UBE2E1: variants seen among roughly 807,000 people sequenced by gnomAD.
The protein encoded by UBE2E1 is ubiquitin conjugating enzyme E2 E1.
UBE2E1 carries 6 observed loss-of-function variants against 21.4 expected under a neutral mutation model. That is an observed-to-expected ratio of 0.28 (90% confidence interval 0.15 to 0.55). UBE2E1 has a LOEUF of 0.55. UBE2E1 is among the 20% of genes least tolerant of loss of function. UBE2E1 has a pLI of 0.93. For synonymous variants in UBE2E1, 87 were observed against 82.7 expected, an observed-to-expected ratio of 1.05 and a Z score of -0.28; for missense variants, 142 against 236.5, an observed-to-expected ratio of 0.60 and a Z score of 2.62.
At chr3:23,812,351 G>A (rs867176927) in intron 3 of UBE2E1, among the ~76,000 whole-genome samples, 1 of 152,224 alleles carries the variant, frequency 6.6e-6, no homozygotes, top group Non-Finnish European at 1.5e-5. Flanking sequence ...GGAAAGGGAT[G>A]TGAGATTTCA....
rs1701220225 is a variant in UBE2E1, at chr3:23,887,740, CAA to C, written c.336+42_336+43del. 6.3e-7 allele frequency: 1 copy of C among 1,575,442 alleles called. No homozygotes were observed. ...GTATGCTCAAATTTACTAATTCCCA[CAA>C]GAGAGCAACTGTTGAGGTTTTTCTA... is the stretch of plus-strand genomic sequence containing the variant. On this transcript the variant is annotated intron_variant, in intron 4 of 5. Coordinates refer to ENST00000306627, the MANE Select transcript of UBE2E1 (RefSeq NM_003341.5). The surrounding 1 kb of genome is among the most constrained non-coding windows in gnomAD (Gnocchi z 4.4).
At chr3:23,877,376 T>C (rs1405466925) in intron 3 of UBE2E1, among the ~76,000 whole-genome samples, 1 of 152,202 alleles carries the variant, frequency 6.6e-6, no homozygotes, top group African/African-American at 2.4e-5. Flanking sequence ...GCTCTTCCCT[T>C]TACTAGCTTA....
chr3:23,823,420 G>A lies in UBE2E1; in HGVS notation c.203+11910G>A, dbSNP rs1463107726. On this transcript the variant is annotated intron_variant, in intron 3 of 5. Transcript: ENST00000306627. The surrounding 1 kb of genome is among the most constrained non-coding windows in gnomAD (Gnocchi z 4.2). The stretch of plus-strand genomic sequence containing the variant: ...TTAGGTGCTGAACTGCCAGAGACAA[G>A]CAACAAATAATATGTGGAACCACAA... 6.6e-6 allele frequency among the ~76,000 whole-genome samples: 1 copy of A among 152,178 alleles called. No homozygotes were observed. The highest frequency in any genetic ancestry group is 6.5e-5 in the Admixed American group (1 of 15,282).
rs1209453728 is a variant in UBE2E1 at position 23,827,391 on chromosome 3, T to C, written c.203+15881T>C. Among the ~76,000 whole-genome samples, 4 of 152,234 alleles carry C rather than the reference T, an allele frequency of 2.6e-5. No individual in the cohort carries two copies. The South Asian group carries it at 6.2e-4, about 24-fold the overall frequency. On this transcript the variant is annotated intron_variant, in intron 3 of 5. Coordinates refer to ENST00000306627, the MANE Select transcript of UBE2E1 (RefSeq NM_003341.5). ...ACTATACAAATTTTAGCTTAGTTTC[T>C]TTTTGCTTCACACTGTGTGCGGTGG...
intron 2 of UBE2E1, among the ~76,000 whole-genome samples, chr3:23,809,726 T>C (rs763552040): frequency 1.3e-5 from 2 of 152,224 alleles, no homozygotes; most frequent in Non-Finnish European, 2.9e-5. Context: ...TATGTATTTT[T>C]ATATGCGTTG....
intron 3 of UBE2E1, among the ~76,000 whole-genome samples, chr3:23,860,359 A>C (rs559710375): frequency 4.7e-4 from 71 of 152,348 alleles, no homozygotes; most frequent in Non-Finnish European, 8.5e-4. Flanking sequence ...GCAATGTTTT[A>C]GCTGGTATGC....
At chr3:23,868,169 C>A (rs1700697176) in intron 3 of UBE2E1, among the ~76,000 whole-genome samples, 2 of 152,326 alleles carry the variant, frequency 1.3e-5, no homozygotes, top group South Asian at 4.1e-4. Flanking sequence ...ATGAAACATA[C>A]ATTCGAATGC....
intron 3 of UBE2E1, among the ~76,000 whole-genome samples, chr3:23,861,464 C>T (rs1473840603): frequency 2.0e-5 from 3 of 152,166 alleles, no homozygotes; most frequent in Non-Finnish European, 1.5e-5. Context: ...GGCGAGGGCT[C>T]CACCCCCGGG....
Position 23,842,069 on chromosome 3 carries a change from C to T in UBE2E1, c.203+30559C>T, listed in dbSNP as rs1700096520. On this transcript the variant is annotated intron_variant, in intron 3 of 5. Coordinates refer to ENST00000306627, the MANE Select transcript of UBE2E1 (RefSeq NM_003341.5). This position sits in a 1 kb window ranked among gnomAD's most constrained non-coding sequence, Gnocchi z 4.6. ...TCAGAAAATGCATTTACCTTAAAAC[C>T]TTTATTGTAACTAGGTGAAAGTAAA... 6.6e-6 allele frequency among the ~76,000 whole-genome samples: 1 copy of T among 152,042 alleles called. No homozygotes were observed. Among genetic ancestry groups the T allele is most frequent in the African/African-American group, 2.4e-5 (1 of 41,406 alleles).
chr3:23,830,555 G>T (rs1175143360), intron 3 of UBE2E1, among the ~76,000 whole-genome samples: 2 of 152,184 alleles, frequency 1.3e-5, no homozygotes, highest in African/African-American at 4.8e-5. Context: ...GTGGGGGCAG[G>T]TTTGGGGTTT....
intron 3 of UBE2E1, among the ~76,000 whole-genome samples, chr3:23,833,134 C>T (rs1438014395): frequency 6.6e-6 from 1 of 152,154 alleles, no homozygotes; most frequent in African/African-American, 2.4e-5. Flanking sequence ...CCCTTTTCTC[C>T]CATTTTTCCT....
At chr3:23,851,013 C>T (rs963254228) in intron 3 of UBE2E1, among the ~76,000 whole-genome samples, 3 of 152,128 alleles carry the variant, frequency 2.0e-5, no homozygotes, top group Middle Eastern at 3.4e-3. Flanking sequence ...CTAAGAGTTT[C>T]ATACTTTTAG....
chr3:23,851,998 C>G (rs538627134), intron 3 of UBE2E1, among the ~76,000 whole-genome samples: 40 of 152,200 alleles, frequency 2.6e-4, no homozygotes, highest in African/African-American at 9.6e-4. Flanking sequence ...TGCAAGATCT[C>G]ATTGTTTAAA....
chr3:23,831,655 A>G (rs1192402011), intron 3 of UBE2E1, among the ~76,000 whole-genome samples: 2 of 150,326 alleles, frequency 1.3e-5, no homozygotes, highest in Non-Finnish European at 3.0e-5. Flanking sequence ...AGTAGCTAGG[A>G]CTACAGGCAC....
rs1374129870 is a variant in UBE2E1, at chr3:23,891,018, A to G, written c.*412A>G. 6.5e-6 allele frequency: 1 copy of G among 153,818 alleles called. No individual in the cohort carries two copies. Among genetic ancestry groups the G allele is most frequent in the Non-Finnish European group, 1.5e-5 (1 of 68,940 alleles). 9.5% of individuals were successfully genotyped at this position (153,818 alleles called of 1,614,324 possible). A position where few individuals can be genotyped will look rare whatever the true frequency, so the allele number is the denominator to read the frequency against. On this transcript the variant is annotated 3_prime_UTR_variant, in exon 6 of 6. Coordinates refer to ENST00000306627, the MANE Select transcript of UBE2E1 (RefSeq NM_003341.5). Reference sequence around the variant, plus strand: ...ATTTGTTTTCCCTTCTTGGAAGGGAACATTGATATTTAACAGAGTTTTTAG... The same window carrying G: ...ATTTGTTTTCCCTTCTTGGAAGGGAGCATTGATATTTAACAGAGTTTTTAG...
In UBE2E1 at chr3:23,850,191, A is replaced by C. The variant is rs72627025; in HGVS notation, c.204-37376A>C. Among the ~76,000 whole-genome samples, 557 of 152,292 alleles carry C rather than the reference A, an allele frequency of 3.7e-3. 18 individuals are homozygous for C. In the East Asian group the frequency reaches 0.052, roughly 14 times the overall value. On this transcript the variant is annotated intron_variant, in intron 3 of 5. Coordinates refer to ENST00000306627, the MANE Select transcript of UBE2E1 (RefSeq NM_003341.5). The stretch of plus-strand genomic sequence containing the variant: ...TCTAATATATCAATCTATTAAGACA[A>C]GGTTTCACTATATTGCCCAGGCTGG...
At chr3:23,831,649 G>T (rs545258602) in intron 3 of UBE2E1, among the ~76,000 whole-genome samples, 7 of 150,122 alleles carry the variant, frequency 4.7e-5, no homozygotes, top group African/African-American at 1.5e-4. Flanking sequence ...CTCCTAAGTA[G>T]CTAGGACTAC....
At chr3:23,815,678 A>G (rs574941202) in intron 3 of UBE2E1, among the ~76,000 whole-genome samples, 2 of 152,218 alleles carry the variant, frequency 1.3e-5, no homozygotes, top group Non-Finnish European at 2.9e-5. Context: ...GTGGAGTGTT[A>G]CATACCTCGT....
At position 23,842,250 on chromosome 3, in the gene UBE2E1, G is replaced by GTGTGTGGTGTTGT. The variant is rs1553637746; in HGVS notation, c.203+30743_203+30744insGTGGTGTTGTTGT. On this transcript the variant is annotated intron_variant, in intron 3 of 5. Coordinates refer to ENST00000306627, the MANE Select transcript of UBE2E1 (RefSeq NM_003341.5). The surrounding 1 kb of genome is among the most constrained non-coding windows in gnomAD (Gnocchi z 4.6). ...GTGTGTGTGTGTGTGTGTGTGTGTG[G>GTGTGTGGTGTTGT]TGTTGTTGTTGTTGGCGACAGGGTC... is the stretch of plus-strand genomic sequence containing the variant. Among the ~76,000 whole-genome samples the GTGTGTGGTGTTGT allele has an allele frequency of 9.3e-5, 8 of 86,288 alleles. No homozygotes were observed. The highest frequency in any genetic ancestry group is 3.2e-4 in the African/African-American group (7 of 21,640). The allele number at this position is 86,288 out of a possible 152,430, so 56.6% of individuals were successfully genotyped here.
Sources: allele counts gnomAD v4.1 joint callset (sites outside exome capture counted in the v4.1 genomes callset), GRCh38; gene constraint gnomAD v4.1.1; non-coding constraint Gnocchi (gnomAD v3.1); transcripts MANE v1.5; gene names NCBI Gene and HGNC (gene_info 2026-07-23, HGNC 2026-07-21).